AKAP6: variants seen among roughly 807,000 people sequenced by gnomAD.
The protein encoded by AKAP6 is A-kinase anchor protein 6.
In AKAP6, 58 loss-of-function variants were observed where a neutral mutation model predicts 188.5. That is an observed-to-expected ratio of 0.31 (90% CI 0.25 to 0.38). The LOEUF (loss-of-function observed/expected upper bound fraction) is 0.38, where lower values mean the gene tolerates loss of function less well. Ranked by LOEUF, AKAP6 falls within the 10% of genes least tolerant of loss-of-function variation. The probability of loss-of-function intolerance (pLI) is 1.00; values close to 1 mark genes in which losing one functional copy is unlikely to be tolerated. For synonymous variants in AKAP6, 989 were observed against 998.6 expected (o/e 0.99, Z 0.18); for missense variants, 2,710 against 2,740.0 (o/e 0.99, Z 0.24).
chr14:32,452,391 T>G (rs1890972643), intron 2 of AKAP6, among the ~76,000 whole-genome samples: 1 of 152,218 alleles, frequency 6.6e-6, no homozygotes, highest in Non-Finnish European at 1.5e-5. Flanking sequence ...TTTTAATATA[T>G]TTTCCTAGTC....
chr14:32,826,861 T>C (rs2034686935), intron 13 of AKAP6, among the ~76,000 whole-genome samples: 1 of 152,136 alleles, frequency 6.6e-6, no homozygotes, highest in Admixed American at 6.6e-5. Context: ...TAAGCCCCGG[T>C]GATGCCTGGC....
intron 11 of AKAP6, among the ~76,000 whole-genome samples, chr14:32,736,406 C>T (rs2031426404): frequency 6.6e-6 from 1 of 152,134 alleles, no homozygotes; most frequent in African/African-American, 2.4e-5. Flanking sequence ...ATATACCAAC[C>T]TGAGCAATAC....
intron 1 of AKAP6, among the ~76,000 whole-genome samples, chr14:32,380,761 G>A (rs990625721): frequency 9.2e-5 from 14 of 152,158 alleles, no homozygotes; most frequent in Non-Finnish European, 1.6e-4. Context: ...TGTCACGTGA[G>A]AAAAGCAACT....
At chr14:32,489,685 GC>G (rs1248576994) in intron 2 of AKAP6, among the ~76,000 whole-genome samples, 25 of 152,284 alleles carry the variant, frequency 1.6e-4, no homozygotes, top group African/African-American at 5.5e-4. Context: ...ATACCCTGTG[GC>G]CCTTCCTAAG....
intron 4 of AKAP6, among the ~76,000 whole-genome samples, chr14:32,559,247 G>T (rs185804938): frequency 6.6e-6 from 1 of 152,164 alleles, no homozygotes; most frequent in East Asian, 1.9e-4. Flanking sequence ...AAAGCCAGCT[G>T]TAAATGGGGA....
intron 7 of AKAP6, among the ~76,000 whole-genome samples, chr14:32,636,024 G>GTA (rs1322984590): frequency 3.9e-5 from 6 of 152,028 alleles, no homozygotes; most frequent in Admixed American, 3.9e-4. Flanking sequence ...TCTCCCAGTT[G>GTA]TATATAGACT....
intron 2 of AKAP6, among the ~76,000 whole-genome samples, chr14:32,515,487 T>C (rs1308695003): frequency 2.6e-5 from 4 of 152,270 alleles, no homozygotes; most frequent in South Asian, 2.1e-4. Flanking sequence ...TTCAGAGATA[T>C]GTAAAAACTT....
chr14:32,725,200 G>C (rs1223580139), intron 9 of AKAP6, among the ~76,000 whole-genome samples: 1 of 151,976 alleles, frequency 6.6e-6, no homozygotes, highest in Non-Finnish European at 1.5e-5. Context: ...AGTTATGTTT[G>C]TAAAACTAAC....
At chr14:32,497,904 GGTTATA>G (rs1880406787) in intron 2 of AKAP6, among the ~76,000 whole-genome samples, 1 of 151,784 alleles carries the variant, frequency 6.6e-6, no homozygotes, top group South Asian at 2.1e-4. Flanking sequence ...TTTTATCCTT[GGTTATA>G]GTCTTTGCTC....
intron 2 of AKAP6, among the ~76,000 whole-genome samples, chr14:32,497,892 C>G (rs1306654380): frequency 6.6e-6 from 1 of 151,886 alleles, no homozygotes; most frequent in Non-Finnish European, 1.5e-5. Context: ...TAAAATGATC[C>G]TTTTTATCCT....
At chr14:32,818,411 T>G (rs1019668126) in intron 12 of AKAP6, among the ~76,000 whole-genome samples, 2 of 152,160 alleles carry the variant, frequency 1.3e-5, no homozygotes, top group African/African-American at 4.8e-5. Context: ...GCATATAACC[T>G]ACAGTCATCC....
At chr14:32,601,397 A>T (rs1885922572) in intron 7 of AKAP6, among the ~76,000 whole-genome samples, 1 of 152,228 alleles carries the variant, frequency 6.6e-6, no homozygotes, top group South Asian at 2.1e-4. Context: ...ATGAGTACTG[A>T]TGTGTTTTGG....
At chr14:32,782,925 A>G (rs1391712942) in intron 12 of AKAP6, among the ~76,000 whole-genome samples, 1 of 152,116 alleles carries the variant, frequency 6.6e-6, no homozygotes, top group Non-Finnish European at 1.5e-5. Flanking sequence ...TTCATTTGGA[A>G]ATGCAAAGGA....
intron 1 of AKAP6, among the ~76,000 whole-genome samples, chr14:32,393,942 T>C (rs1888793018): frequency 6.6e-6 from 1 of 152,046 alleles, no homozygotes; most frequent in Non-Finnish European, 1.5e-5. Context: ...TGGAAAGAAA[T>C]GAAAAGAAAT....
At chr14:32,540,164 C>CTATATA (rs1212391189) in intron 3 of AKAP6, among the ~76,000 whole-genome samples, 121 of 97,394 alleles carry the variant, frequency 1.2e-3, no homozygotes, top group Non-Finnish European at 1.8e-3. Flanking sequence ...CTCTCTCTCT[C>CTATATA]TCTCTATATA....
At chr14:32,458,897 A>C (rs925854919) in intron 2 of AKAP6, among the ~76,000 whole-genome samples, 1 of 152,190 alleles carries the variant, frequency 6.6e-6, no homozygotes, top group African/African-American at 2.4e-5. Flanking sequence ...GCAAGGACAA[A>C]ATAATGCAAC....
At position 32,735,869 on chromosome 14, in the gene AKAP6, T is replaced by G. The variant is rs759723016; in HGVS notation, c.3359T>G (p.Leu1120Arg). 1 of 1,604,578 alleles carries G rather than the reference T, an allele frequency of 6.2e-7. No individual in the cohort carries two copies. The highest frequency in any genetic ancestry group is 1.7e-5 in the Admixed American group (1 of 57,844). The change falls in exon 11 of 14, where the codon CTG becomes CGG. Residue 1120 changes from leucine to arginine, a missense_variant. Coordinates refer to ENST00000280979, the MANE Select transcript of AKAP6 (RefSeq NM_004274.5). ...GGAACAATGAATACTGAGAAACAAC[T>G]GCAATACTTTAAGGTAATAAAAAAA... ...KEGTMNTEKQ[L>R]QYFKSLCREI...
At position 32,830,024 on chromosome 14, in the gene AKAP6, A is replaced by C. The variant is rs2034788519; in HGVS notation, c.*219A>C. ...CTGAATGTGTGCGCTGGTTCTCTTT[A>C]GGTGATCGTCTTTGAAGTTCAGCAA... is the stretch of plus-strand genomic sequence containing the variant. On this transcript the variant is annotated 3_prime_UTR_variant, in exon 14 of 14. Transcript: ENST00000280979. 1.4e-6 allele frequency: 1 copy of C among 698,592 alleles called. No individual in the cohort carries two copies. The highest frequency in any genetic ancestry group is 1.8e-5 in the African/African-American group (1 of 56,944). 43.3% of individuals were successfully genotyped at this position (698,592 alleles called of 1,614,324 possible). A position where few individuals can be genotyped will look rare whatever the true frequency, so the allele number is the denominator to read the frequency against.
At chr14:32,474,669 T>A (rs1175482417) in intron 2 of AKAP6, 2 of 152,254 alleles carry the variant, frequency 1.3e-5, no homozygotes, top group Non-Finnish European at 2.9e-5. Flanking sequence ...AAACTAGCAC[T>A]TTTCCCCAAG....
Sources: allele counts gnomAD v4.1 joint callset (sites outside exome capture counted in the v4.1 genomes callset), GRCh38; gene constraint gnomAD v4.1.1; transcripts MANE v1.5; gene names NCBI Gene and HGNC (gene_info 2026-07-23, HGNC 2026-07-21).